The following CFAP58 variants were observed in gnomAD, a reference collection of about 807,000 sequenced individuals.
The protein encoded by CFAP58 is cilia and flagella associated protein 58, also known as cilia- and flagella-associated protein 58.
In CFAP58, 88 loss-of-function variants were observed where a neutral mutation model predicts 119.5. That is an observed-to-expected ratio of 0.74 (90% confidence interval 0.62 to 0.88). The LOEUF is 0.88. CFAP58 is among the 40% of genes least tolerant of loss of function. The pLI, the probability that CFAP58 is intolerant of heterozygous loss-of-function variation, is 0.00. For synonymous variants in CFAP58, 365 were observed against 366.3 expected, an observed-to-expected ratio of 1.00 and a Z score of 0.04; for missense variants, 990 against 1,021.2, an observed-to-expected ratio of 0.97 and a Z score of 0.42.
chr10:104,428,579 T>A (rs901731842), intron 15 of CFAP58, among the ~76,000 whole-genome samples: 2 of 152,088 alleles, frequency 1.3e-5, no homozygotes, highest in African/African-American at 4.8e-5. Context: ...TGGTAAACAT[T>A]TTAAAGAGAG....
intron 9 of CFAP58, among the ~76,000 whole-genome samples, chr10:104,384,273 A>C (rs2011878799): frequency 1.3e-5 from 2 of 152,206 alleles, no homozygotes; most frequent in Non-Finnish European, 2.9e-5. Flanking sequence ...AATATCACTA[A>C]AGAATATTAG....
intron 15 of CFAP58, among the ~76,000 whole-genome samples, chr10:104,438,541 A>C (rs1299991952): frequency 6.6e-6 from 1 of 150,838 alleles, no homozygotes; most frequent in East Asian, 1.9e-4. Flanking sequence ...GCGCCCGGCT[A>C]ATTTTTTGTA....
At chr10:104,380,386 G>C (rs1013969780) in intron 9 of CFAP58, among the ~76,000 whole-genome samples, 166 bp downstream of exon 9, 3 of 152,232 alleles carry the variant, frequency 2.0e-5, no homozygotes, top group African/African-American at 7.2e-5. Context: ...TTTCCGAGCT[G>C]ATTCTGGGCC....
Position 104,365,808 on chromosome 10 carries a change from C to G in CFAP58, c.598-6C>G. The G allele has an allele frequency of 1.9e-6, 3 of 1,607,030 alleles. No homozygotes were observed. The highest frequency in any genetic ancestry group is 2.5e-6 in the Non-Finnish European group (3 of 1,177,258). On this transcript the variant is annotated splice_region_variant and splice_polypyrimidine_tract_variant and intron_variant, in intron 4 of 17. Transcript: ENST00000369704. ...CTTTCTCTCTTGTCCTTTCCGCAACCTCTAGTTCCAACAAGAAATCCAGCA... is the reference window on the plus strand; with the variant it reads ...CTTTCTCTCTTGTCCTTTCCGCAACGTCTAGTTCCAACAAGAAATCCAGCA...
At chr10:104,369,162 A>C (rs2014790891) in intron 6 of CFAP58, among the ~76,000 whole-genome samples, 1 of 152,190 alleles carries the variant, frequency 6.6e-6, no homozygotes, top group African/African-American at 2.4e-5. Context: ...TTATCACTTT[A>C]ATTCTGAAAA....
chr10:104,374,558 TA>T (rs2014865864), intron 7 of CFAP58, among the ~76,000 whole-genome samples: 1 of 122,354 alleles, frequency 8.2e-6, no homozygotes, highest in Non-Finnish European at 1.8e-5. Flanking sequence ...GAAATACAAA[TA>T]AATGGTCATT....
At chr10:104,440,186 A>G (rs2013014821) in intron 15 of CFAP58, among the ~76,000 whole-genome samples, 3 of 147,898 alleles carry the variant, frequency 2.0e-5, no homozygotes, top group South Asian at 2.3e-4. Flanking sequence ...TACGCATGCT[A>G]ACGTCTCCAG....
intron 8 of CFAP58, among the ~76,000 whole-genome samples, chr10:104,378,975 G>A (rs1032583846): frequency 2.0e-5 from 3 of 151,362 alleles, no homozygotes; most frequent in Admixed American, 6.6e-5. Context: ...CAGAAACTTC[G>A]GAGTTGGAAC....
chr10:104,394,139 T>C (rs1249146496), intron 11 of CFAP58, among the ~76,000 whole-genome samples: 2 of 152,200 alleles, frequency 1.3e-5, no homozygotes, highest in African/African-American at 4.8e-5. Context: ...AAGGACCCTT[T>C]CCAAGAATAC....
At chr10:104,366,191 C>T (rs1483651153) in intron 5 of CFAP58, among the ~76,000 whole-genome samples, 183 bp downstream of exon 5, 2 of 152,046 alleles carry the variant, frequency 1.3e-5, no homozygotes, top group East Asian at 3.9e-4. Context: ...TAGTTATGCC[C>T]CCCCTTTTAA....
chr10:104,454,538 C>G lies in CFAP58; in HGVS notation c.*8C>G, dbSNP rs373757667. On this transcript the variant is annotated 3_prime_UTR_variant, in exon 18 of 18. Coordinates refer to ENST00000369704, the MANE Select transcript of CFAP58 (RefSeq NM_001008723.2). ...ACCAAAATGACGTTCTAACCTGAAG[C>G]TGCTGGCTGTTTCCAGTTGAACAAC... is the stretch of plus-strand genomic sequence containing the variant. 6 of 1,597,996 alleles carry G rather than the reference C, an allele frequency of 3.8e-6. No homozygotes were observed. In the African/African-American group the frequency reaches 8.0e-5, roughly 21 times the overall value.
At position 104,393,313 on chromosome 10, in the gene CFAP58, C is replaced by T. The variant is rs1292209848; in HGVS notation, c.1528-16C>T. ...GTCTAATTCACTTTCAAACATTTCT[C>T]CTTTCATTTGGTTAGGATGAAATAA... On this transcript the variant is annotated splice_polypyrimidine_tract_variant and intron_variant, in intron 10 of 17. Coordinates refer to ENST00000369704, the MANE Select transcript of CFAP58 (RefSeq NM_001008723.2). The T allele has an allele frequency of 6.2e-7, 1 of 1,603,700 alleles. No homozygotes were observed. The highest frequency in any genetic ancestry group is 8.5e-7 in the Non-Finnish European group (1 of 1,172,310).
chr10:104,401,029 G>A (rs2012255222), intron 13 of CFAP58, 126 bp downstream of exon 13: 5 of 659,326 alleles, frequency 7.6e-6, no homozygotes, highest in Non-Finnish European at 1.3e-5. Context: ...AAGTTTACAG[G>A]ATGAAATTAT....
intron 9 of CFAP58, among the ~76,000 whole-genome samples, chr10:104,384,556 TGCTTCTATG>T (rs1446374427): frequency 1.3e-5 from 2 of 152,284 alleles, no homozygotes; most frequent in Non-Finnish European, 2.9e-5. Context: ...GCTCTGAAAA[TGCTTCTATG>T]GCAAGAACTT....
intron 13 of CFAP58, 58 bp downstream of exon 13, chr10:104,400,961 A>C: frequency 8.0e-7 from 1 of 1,243,144 alleles, no homozygotes; most frequent in Non-Finnish European, 1.2e-6. Flanking sequence ...AGCTCCTAAA[A>C]TCACTTCGTA....
rs151062165 is a variant in CFAP58 at position 104,444,615 on chromosome 10, C to T, written c.2257-3083C>T. Among the ~76,000 whole-genome samples the T allele has an allele frequency of 8.8e-3, 1,333 of 152,302 alleles. 71 individuals are homozygous for T. Among genetic ancestry groups the T allele is most frequent in the Admixed American group, 0.081 (1,241 of 15,284 alleles). ...ATTTCATATTTATCTAAATTACTAG[C>T]ACATTCTCCAAAAATATGAGTCTGT... On this transcript the variant is annotated intron_variant, in intron 15 of 17. Coordinates refer to ENST00000369704, the MANE Select transcript of CFAP58 (RefSeq NM_001008723.2).
chr10:104,393,530 G>A (rs571131681), intron 11 of CFAP58, 55 bp downstream of exon 11: 29 of 1,541,300 alleles, frequency 1.9e-5, no homozygotes, highest in Admixed American at 5.5e-5. Context: ...CCGCTCAGGC[G>A]GCCTCCAGTC....
rs149834342 is a variant in CFAP58, at chr10:104,358,595, T to C, written c.264T>C (p.Asp88=). 6.8e-5 allele frequency: 109 copies of C among 1,613,724 alleles called. 1 individual carries two copies. The African/African-American group carries it at 1.2e-3, about 18-fold the overall frequency. ...CTGCCCTTAAGCTCTCTCAGGATGA[T>C]CAGACCACCATTGCATCCCTAAAGA... ...VATALKLSQD[D]QTTIASLKKE... Residue 88 remains aspartate (D), a synonymous_variant, in exon 2 of 18, where the codon GAT becomes GAC. Coordinates refer to ENST00000369704, the MANE Select transcript of CFAP58 (RefSeq NM_001008723.2).
At chr10:104,374,059 T>C (rs920663377) in intron 7 of CFAP58, among the ~76,000 whole-genome samples, 2 of 152,130 alleles carry the variant, frequency 1.3e-5, no homozygotes, top group African/African-American at 2.4e-5. Flanking sequence ...GAGATTAAAT[T>C]AAATAAAAGT....
Sources: allele counts gnomAD v4.1 joint callset (sites outside exome capture counted in the v4.1 genomes callset), GRCh38; gene constraint gnomAD v4.1.1; transcripts MANE v1.5; gene names NCBI Gene and HGNC (gene_info 2026-07-23, HGNC 2026-07-21).